CSMD3: variants seen among roughly 807,000 people sequenced by gnomAD.
CSMD3 encodes the protein CUB and sushi domain-containing protein 3.
In CSMD3, 177 loss-of-function variants were observed where a neutral mutation model predicts 435.2. The observed-to-expected ratio is 0.41, with a 90% CI of 0.36 to 0.46. The LOEUF (loss-of-function observed/expected upper bound fraction) is 0.46, where lower values mean the gene tolerates loss of function less well. Among genes scored for constraint, CSMD3 ranks in the 20% least tolerant of loss-of-function variants. CSMD3 has a pLI of 0.34. For missense variants in CSMD3, 4,265 were observed against 4,504.6 expected, an observed-to-expected ratio of 0.95 and a Z score of 1.52; for synonymous variants, 1,656 against 1,520.5, an observed-to-expected ratio of 1.09 and a Z score of -2.07.
In CSMD3 at chr8:113,278,665, G is replaced by A. The variant is rs572826722; in HGVS notation, c.441C>T (p.Thr147=). The A allele has an allele frequency of 6.2e-7, 1 of 1,600,552 alleles. No homozygotes were observed. The highest frequency in any genetic ancestry group is 8.6e-7 in the Non-Finnish European group (1 of 1,168,118). The part of the protein sequence containing the change: ...GFHLPPPVTS[T]KSVFSLRLTS... ...TCAAACGTAGTGAGAACACAGATTT[G>A]GTACTTGTCACTGGAGGTGGCAGAT... The change falls in exon 3 of 71, where the codon ACC becomes ACT. Residue 147 remains threonine (T), a synonymous_variant. Coordinates refer to ENST00000297405, the MANE Select transcript of CSMD3 (RefSeq NM_198123.2).
At chr8:113,102,143 C>A (rs1214159687) in intron 4 of CSMD3, among the ~76,000 whole-genome samples, 1 of 151,994 alleles carries the variant, frequency 6.6e-6, no homozygotes, top group South Asian at 2.1e-4. Flanking sequence ...CAGGATAGAG[C>A]CTTCTATTCT....
chr8:112,441,424 T>C (rs1015213162), intron 32 of CSMD3, among the ~76,000 whole-genome samples: 7 of 152,158 alleles, frequency 4.6e-5, no homozygotes, highest in East Asian at 3.9e-4. Flanking sequence ...TTTCCCACAT[T>C]GTCCTGTCTT....
intron 32 of CSMD3, among the ~76,000 whole-genome samples, chr8:112,441,963 A>G (rs1815073035): frequency 6.6e-6 from 1 of 152,228 alleles, no homozygotes; most frequent in African/African-American, 2.4e-5. Flanking sequence ...CCGTTTATGA[A>G]GAAATGTGTA....
At chr8:112,983,137 G>A (rs1226298676) in intron 6 of CSMD3, among the ~76,000 whole-genome samples, 1 of 151,782 alleles carries the variant, frequency 6.6e-6, no homozygotes, top group Non-Finnish European at 1.5e-5. Flanking sequence ...AGAGAAAGGA[G>A]AAAAGTAAAG....
intron 5 of CSMD3, among the ~76,000 whole-genome samples, chr8:113,093,412 T>C (rs1190789176): frequency 6.6e-6 from 1 of 151,924 alleles, no homozygotes; most frequent in Non-Finnish European, 1.5e-5. Context: ...GACATCCCAG[T>C]GAATAAGAAT....
chr8:112,995,899 C>T (rs565007659), intron 6 of CSMD3, among the ~76,000 whole-genome samples: 39 of 151,442 alleles, frequency 2.6e-4, no homozygotes, highest in South Asian at 6.2e-4. Context: ...AAGGATTGTG[C>T]GGTTTAAGTT....
At chr8:112,890,388 T>C (rs1265710971) in intron 10 of CSMD3, among the ~76,000 whole-genome samples, 2 of 151,724 alleles carry the variant, frequency 1.3e-5, no homozygotes, top group Non-Finnish European at 2.9e-5. Flanking sequence ...GAGGTAACAT[T>C]ACTTTTTTTC....
At chr8:112,971,428 C>CA (rs1321175229) in intron 7 of CSMD3, among the ~76,000 whole-genome samples, 5 of 152,096 alleles carry the variant, frequency 3.3e-5, no homozygotes, top group African/African-American at 1.2e-4. Context: ...GACCAAAACT[C>CA]AAAGTTGATA....
At position 112,517,225 on chromosome 8, in the gene CSMD3, C is replaced by T. The variant is rs1316772892; in HGVS notation, c.4565G>A (p.Ser1522Asn). ...SKSGFAIQFS[S>N]SVATACRDPG... ...GTCACGACACGCAGTGGCAACAGAACCTATCAAAAGACAGAGACAAAATTT... is the reference window on the plus strand; with the variant it reads ...GTCACGACACGCAGTGGCAACAGAATCTATCAAAAGACAGAGACAAAATTT... Residue 1522 changes from serine (S) to asparagine (N), a missense_variant and splice_region_variant, in exon 28 of 71, where the codon AGT (serine) becomes AAT (asparagine). By Grantham distance (46) the Ser-to-Asn change is conservative (BLOSUM62 1). Transcript: ENST00000297405. 6.2e-7 allele frequency: 1 copy of T among 1,612,660 alleles called. No homozygotes were observed. The highest frequency in any genetic ancestry group is 8.5e-7 in the Non-Finnish European group (1 of 1,179,234).
At chr8:112,951,977 G>T (rs576861054) in intron 8 of CSMD3, among the ~76,000 whole-genome samples, 1 of 151,580 alleles carries the variant, frequency 6.6e-6, no homozygotes, top group Non-Finnish European at 1.5e-5. Context: ...AAATATTCTA[G>T]AGGAGCCTAC....
intron 27 of CSMD3, among the ~76,000 whole-genome samples, chr8:112,532,449 G>T (rs550758737): frequency 6.6e-6 from 1 of 151,998 alleles, no homozygotes. Flanking sequence ...AGGACAAAGA[G>T]GATTCTACAA....
intron 2 of CSMD3, among the ~76,000 whole-genome samples, chr8:113,290,023 T>C (rs1212451071): frequency 1.3e-5 from 2 of 151,766 alleles, no homozygotes; most frequent in East Asian, 3.9e-4. Flanking sequence ...GTATTTTCTT[T>C]GTCAATTTCC....
intron 63 of CSMD3, among the ~76,000 whole-genome samples, chr8:112,250,433 C>T (rs1815159793): frequency 6.6e-6 from 1 of 151,420 alleles, no homozygotes; most frequent in African/African-American, 2.4e-5. Flanking sequence ...TTATCCAGAA[C>T]TTGTTATAGT....
At chr8:112,530,691 A>G (rs1041772327) in intron 27 of CSMD3, among the ~76,000 whole-genome samples, 1 of 152,210 alleles carries the variant, frequency 6.6e-6, no homozygotes, top group Non-Finnish European at 1.5e-5. Context: ...AACGTACAAC[A>G]CAAGAATATA....
intron 37 of CSMD3, among the ~76,000 whole-genome samples, chr8:112,383,050 A>C (rs1166506420): frequency 6.6e-6 from 1 of 152,174 alleles, no homozygotes; most frequent in South Asian, 2.1e-4. Context: ...ATCTTACATA[A>C]AAATATAAGA....
intron 14 of CSMD3, among the ~76,000 whole-genome samples, chr8:112,688,789 A>C (rs1399570501): frequency 6.6e-6 from 1 of 152,042 alleles, no homozygotes; most frequent in Non-Finnish European, 1.5e-5. Context: ...CCTAATTTTA[A>C]AATAGTAAAA....
intron 9 of CSMD3, among the ~76,000 whole-genome samples, chr8:112,937,142 A>T (rs1262594959): frequency 6.6e-6 from 1 of 152,090 alleles, no homozygotes; most frequent in Non-Finnish European, 1.5e-5. Context: ...CATATATTTT[A>T]AATGTCCTAT....
intron 2 of CSMD3, chr8:113,310,888 C>T (rs968198158): frequency 2.6e-5 from 4 of 151,330 alleles, no homozygotes; most frequent in Non-Finnish European, 5.9e-5. Flanking sequence ...AAATTATATC[C>T]ACAGGATTAA....
rs553449240 is a variant in CSMD3, at chr8:113,183,340, A to G, written c.515-9424T>C. Reference sequence around the variant, plus strand: ...GACTCATATAATTTATTTGGCTAAAACCACCCCTGAAAACTTACTAGGAAT... The same window carrying G: ...GACTCATATAATTTATTTGGCTAAAGCCACCCCTGAAAACTTACTAGGAAT... On this transcript the variant is annotated intron_variant, in intron 3 of 70. Transcript: ENST00000297405. Among the ~76,000 whole-genome samples the G allele has an allele frequency of 3.9e-5, 6 of 152,050 alleles. No homozygotes were observed. In the South Asian group the frequency reaches 1.2e-3, roughly 32 times the overall value.
Sources: allele counts gnomAD v4.1 joint callset (sites outside exome capture counted in the v4.1 genomes callset), GRCh38; gene constraint gnomAD v4.1.1; transcripts MANE v1.5; gene names NCBI Gene and HGNC (gene_info 2026-07-23, HGNC 2026-07-21).